C10orf90: variants seen among roughly 807,000 people sequenced by gnomAD.
The protein encoded by C10orf90 is chromosome 10 open reading frame 90.
In C10orf90, 56 loss-of-function variants were observed where a neutral mutation model predicts 62.5. The observed-to-expected ratio is 0.90, with a 90% CI of 0.72 to 1.12. The LOEUF (loss-of-function observed/expected upper bound fraction) is 1.12, where lower values mean the gene tolerates loss of function less well. Among genes scored for constraint, C10orf90 ranks in the 50% most tolerant of loss-of-function variants. C10orf90 has a pLI of 0.00. For missense variants in C10orf90, 970 were observed against 880.4 expected (o/e 1.10, Z -1.29); for synonymous variants, 386 against 340.4 (o/e 1.13, Z -1.47).
rs568950671 is a variant in C10orf90, at chr10:126,551,627, A to AT, written c.314-37689dup. Among the ~76,000 whole-genome samples the AT allele has an allele frequency of 3.1e-4, 47 of 152,368 alleles. 1 individual carries two copies. The highest frequency in any genetic ancestry group is 2.4e-3 in the Admixed American group (37 of 15,306). ...CTGAATCTCAGCAGATCCAAGGAGC[A>AT]TAAGATTCCTATGCCAGGTGCAATT... On this transcript the variant is annotated intron_variant, in intron 2 of 9. Coordinates refer to ENST00000488181, the MANE Select transcript of C10orf90 (RefSeq NM_001350921.2).
At chr10:126,639,095 C>T (rs1029429374) in intron 2 of C10orf90, among the ~76,000 whole-genome samples, 3 of 152,170 alleles carry the variant, frequency 2.0e-5, no homozygotes, top group African/African-American at 2.4e-5. Flanking sequence ...TCCAAAAGAC[C>T]GTGAGTGGTG....
chr10:126,459,354 G>A (rs1319801369), intron 6 of C10orf90, 137 bp from the exon 7 acceptor site: 26 of 921,844 alleles, frequency 2.8e-5, no homozygotes, highest in African/African-American at 6.6e-5. Flanking sequence ...AGTACGTCAC[G>A]CTTTTCTTGC....
chr10:126,465,093 A>G (rs1860210095), intron 4 of C10orf90, 107 bp from the exon 5 acceptor site: 2 of 1,179,238 alleles, frequency 1.7e-6, no homozygotes, highest in East Asian at 2.4e-5. Context: ...GGGGGGGAGT[A>G]CAGCACTGCA....
chr10:126,528,176 G>C (rs1017606012), intron 2 of C10orf90, among the ~76,000 whole-genome samples: 1 of 152,122 alleles, frequency 6.6e-6, no homozygotes, highest in Non-Finnish European at 1.5e-5. Flanking sequence ...CGGGGAAGGA[G>C]AGGTGCCTGA....
chr10:126,523,116 T>A (rs568690817), intron 2 of C10orf90, among the ~76,000 whole-genome samples: 1 of 152,250 alleles, frequency 6.6e-6, no homozygotes, highest in Non-Finnish European at 1.5e-5. Context: ...AAAAGCCTAT[T>A]CTACTGAATT....
At chr10:126,431,205 T>C (rs1462592349) in intron 7 of C10orf90, among the ~76,000 whole-genome samples, 1 of 152,220 alleles carries the variant, frequency 6.6e-6, no homozygotes, top group African/African-American at 2.4e-5. Flanking sequence ...CTTAACTTAC[T>C]TTATGGAGAA....
At chr10:126,441,447 T>C (rs553316187) in intron 7 of C10orf90, among the ~76,000 whole-genome samples, 7 of 152,160 alleles carry the variant, frequency 4.6e-5, no homozygotes, top group African/African-American at 7.2e-5. Context: ...ATCTAAAAGT[T>C]TGGAAAACAT....
chr10:126,523,880 G>A (rs1315768931), intron 2 of C10orf90, among the ~76,000 whole-genome samples: 3 of 152,112 alleles, frequency 2.0e-5, no homozygotes, highest in Middle Eastern at 3.2e-3. Flanking sequence ...GGGTTCATCC[G>A]TGTTGTAGCA....
At chr10:126,474,859 C>G (rs1332155485) in intron 4 of C10orf90, among the ~76,000 whole-genome samples, 1 of 152,222 alleles carries the variant, frequency 6.6e-6, no homozygotes, top group Non-Finnish European at 1.5e-5. Context: ...AGATGGCCTG[C>G]AGGCCTCCCC....
chr10:126,601,089 G>T (rs934824955), intron 2 of C10orf90, among the ~76,000 whole-genome samples: 1 of 152,150 alleles, frequency 6.6e-6, no homozygotes, highest in African/African-American at 2.4e-5. Context: ...GTGAAATAAA[G>T]CCCACACAGA....
chr10:126,582,550 T>C (rs1844775457), intron 2 of C10orf90, among the ~76,000 whole-genome samples: 1 of 152,210 alleles, frequency 6.6e-6, no homozygotes, highest in African/African-American at 2.4e-5. Flanking sequence ...GGAGTTGGTG[T>C]TTCCAGATTC....
chr10:126,444,827 T>C lies in C10orf90; in HGVS notation c.2188+14213A>G, dbSNP rs565014176. Among the ~76,000 whole-genome samples, 13 of 152,170 alleles carry C rather than the reference T, an allele frequency of 8.5e-5. No individual in the cohort carries two copies. The South Asian group carries it at 1.7e-3, about 19-fold the overall frequency. The stretch of plus-strand genomic sequence containing the variant: ...TGGTACTGGTATAAAAATAGGCACA[T>C]AGAACAATGGAACAGAATAGAGAAC... On this transcript the variant is annotated intron_variant, in intron 7 of 9. Coordinates refer to ENST00000488181, the MANE Select transcript of C10orf90 (RefSeq NM_001350921.2).
intron 2 of C10orf90, among the ~76,000 whole-genome samples, chr10:126,516,132 C>T (rs1245938177): frequency 6.6e-6 from 1 of 152,220 alleles, no homozygotes; most frequent in Non-Finnish European, 1.5e-5. Flanking sequence ...TCCTGCTTGG[C>T]CCCAGGCCGA....
chr10:126,573,483 T>C (rs1416970495), intron 2 of C10orf90, among the ~76,000 whole-genome samples: 1 of 152,174 alleles, frequency 6.6e-6, no homozygotes, highest in Admixed American at 6.5e-5. Flanking sequence ...TCTCCTCCTT[T>C]AACTTTACAG....
chr10:126,517,641 G>A (rs555836487), intron 2 of C10orf90, among the ~76,000 whole-genome samples: 1 of 152,314 alleles, frequency 6.6e-6, no homozygotes, highest in South Asian at 2.1e-4. Context: ...GCCAGGGGCA[G>A]TGGCTCACAC....
At chr10:126,540,631 C>T (rs1042191204) in intron 2 of C10orf90, among the ~76,000 whole-genome samples, 1 of 149,428 alleles carries the variant, frequency 6.7e-6, no homozygotes, top group South Asian at 2.1e-4. Context: ...TACACTCCAA[C>T]CTGGGAGACA....
At chr10:126,617,835 T>C (rs968446855) in intron 2 of C10orf90, among the ~76,000 whole-genome samples, 1 of 152,212 alleles carries the variant, frequency 6.6e-6, no homozygotes, top group African/African-American at 2.4e-5. Context: ...TACCTTGTGT[T>C]TGCCATTATG....
intron 2 of C10orf90, among the ~76,000 whole-genome samples, chr10:126,565,628 G>T (rs933865892): frequency 7.3e-5 from 11 of 151,238 alleles, no homozygotes; most frequent in Middle Eastern, 3.2e-3. Context: ...CTGCACTTGT[G>T]GTAGCTTAAG....
At chr10:126,448,017 C>CTTTTTTT (rs1186409126) in intron 7 of C10orf90, among the ~76,000 whole-genome samples, 9 of 79,218 alleles carry the variant, frequency 1.1e-4, no homozygotes, top group Admixed American at 1.6e-4. Context: ...ATGCCTGGCT[C>CTTTTTTT]TTTTTTTTTT....
Sources: gnomAD v4.1 joint callset for allele counts (sites outside exome capture counted in the v4.1 genomes callset) on GRCh38, gnomAD v4.1.1 for gene constraint, MANE v1.5 for transcripts, NCBI Gene and HGNC (gene_info 2026-07-23, HGNC 2026-07-21) for gene names.